NGLY1: variants seen among roughly 807,000 people sequenced by gnomAD.
NGLY1 encodes N-glycanase 1.
In NGLY1, 68 loss-of-function variants were observed where a neutral mutation model predicts 84.6. The observed-to-expected ratio is 0.80, with a 90% confidence interval of 0.66 to 0.98. The LOEUF (loss-of-function observed/expected upper bound fraction) is 0.98, where lower values mean the gene tolerates loss of function less well. Among genes scored for constraint, NGLY1 ranks in the 50% least tolerant of loss-of-function variants. The pLI, the probability that NGLY1 is intolerant of heterozygous loss-of-function variation, is 0.00. For missense variants in NGLY1, 779 were observed against 770.2 expected (o/e 1.01, Z -0.14); for synonymous variants, 280 against 275.2 (o/e 1.02, Z -0.17).
intron 6 of NGLY1, 35 bp from the exon 7 acceptor site, chr3:25,736,184 A>C: frequency 6.2e-7 from 1 of 1,602,276 alleles, no homozygotes; most frequent in Non-Finnish European, 8.5e-7. Flanking sequence ...CAATGGAAAA[A>C]AGACAATGAA....
chr3:25,729,158 C>A lies in NGLY1; in HGVS notation c.1586G>T (p.Arg529Ile). Reference protein sequence around the residue: ...NGVWKMESIFRKVETDWHMVY... With the variant: ...NGVWKMESIFIKVETDWHMVY... ...CATGTGCCAGTCTGTTTCAACTTTT[C>A]TGAATATAGATTCCATTTTCCACAC... Residue 529 changes from arginine (R) to isoleucine (I), a missense_variant, in exon 10 of 12, where the codon AGA becomes ATA. By Grantham distance (97) the Arg-to-Ile change is moderately conservative. Coordinates refer to ENST00000280700, the MANE Select transcript of NGLY1 (RefSeq NM_018297.4). 2 of 1,525,256 alleles carry A rather than the reference C, an allele frequency of 1.3e-6. No individual in the cohort carries two copies. The highest frequency in any genetic ancestry group is 1.8e-6 in the Non-Finnish European group (2 of 1,130,892). The allele number at this position is 1,525,256 out of a possible 1,614,324, so 94.5% of individuals were successfully genotyped here.
At chr3:25,760,828 C>G (rs1420627994) in intron 3 of NGLY1, among the ~76,000 whole-genome samples, 1 of 88,504 alleles carries the variant, frequency 1.1e-5, no homozygotes, top group Non-Finnish European at 2.3e-5. Flanking sequence ...CCATTGCACT[C>G]CAGCCTGGGC....
At chr3:25,756,986 TTTC>T (rs1390922054) in intron 3 of NGLY1, among the ~76,000 whole-genome samples, 6 of 152,238 alleles carry the variant, frequency 3.9e-5, no homozygotes, top group Admixed American at 2.6e-4. Flanking sequence ...CTGTTTTGTT[TTTC>T]TTAAGTTCAA....
intron 3 of NGLY1, among the ~76,000 whole-genome samples, chr3:25,759,561 T>A (rs1707202874): frequency 6.6e-6 from 1 of 152,188 alleles, no homozygotes; most frequent in Non-Finnish European, 1.5e-5. Flanking sequence ...TCTTGCCTTA[T>A]TTCTTTACAT....
chr3:25,778,738 T>C (rs1187331296), intron 1 of NGLY1, 50 bp from the exon 2 acceptor site: 1 of 1,115,724 alleles, frequency 9.0e-7, no homozygotes, highest in African/African-American at 1.6e-5. Flanking sequence ...CAGGTCATAG[T>C]TCTTCAAAGA....
Position 25,764,430 on chromosome 3 carries a change from CAT to C in NGLY1, c.247-121_247-120del, listed in dbSNP as rs1468421946. 3 of 1,100,142 alleles carry C rather than the reference CAT, an allele frequency of 2.7e-6. No individual in the cohort carries two copies. The African/African-American group carries it at 4.7e-5, about 17-fold the overall frequency. The allele number at this position is 1,100,142 out of a possible 1,614,324, so 68.1% of individuals were successfully genotyped here. On this transcript the variant is annotated intron_variant, in intron 2 of 11. Transcript: ENST00000280700. ...AATATAGAATGCATGTTTCTAAAATCATACTGTTTTCTTACCATTATGGTTCT... is the reference window on the plus strand; with the variant it reads ...AATATAGAATGCATGTTTCTAAAATCACTGTTTTCTTACCATTATGGTTCT...
At chr3:25,768,377 G>C (rs886692033) in intron 2 of NGLY1, among the ~76,000 whole-genome samples, 16 of 149,810 alleles carry the variant, frequency 1.1e-4, no homozygotes, top group Admixed American at 6.7e-5. Flanking sequence ...AGTAGTGACT[G>C]TGCCACTGCA....
At chr3:25,721,269 G>C (rs925423146) in intron 10 of NGLY1, among the ~76,000 whole-genome samples, 1 of 152,108 alleles carries the variant, frequency 6.6e-6, no homozygotes, top group African/African-American at 2.4e-5. Flanking sequence ...GTCTCACTAT[G>C]TTGCCCAGGC....
chr3:25,736,483 G>T, intron 6 of NGLY1: 1 of 1,039,976 alleles, frequency 9.6e-7, no homozygotes, highest in African/African-American at 1.6e-5. Flanking sequence ...TGCCACTTTT[G>T]AAACTACAGT....
At chr3:25,778,173 T>C (rs907415178) in intron 2 of NGLY1, 1 of 153,022 alleles carries the variant, frequency 6.5e-6, no homozygotes, top group Non-Finnish European at 1.5e-5. Context: ...CCCTTCTGTG[T>C]GGCAGCTCAA....
chr3:25,725,817 A>T (rs1705226472), intron 10 of NGLY1, among the ~76,000 whole-genome samples: 4 of 152,128 alleles, frequency 2.6e-5, no homozygotes, highest in Admixed American at 6.5e-5. Context: ...TTTTTCACTC[A>T]GATTCAGGGT....
At position 25,783,276 on chromosome 3, in the gene NGLY1, C is replaced by T. The variant is rs1400197819; in HGVS notation, c.115G>A (p.Ala39Thr). The change falls in exon 1 of 12, where the codon GCT (alanine) becomes ACT (threonine). Residue 39 changes from alanine to threonine, a missense_variant. Transcript: ENST00000280700. The surrounding 1 kb of genome is among the most constrained non-coding windows in gnomAD (Gnocchi z 4.5). The stretch of plus-strand genomic sequence containing the variant: ...GCCCTGCACCTGAGGATGTTGTCAG[C>T]ATAGGTGAGCAGCAGCTTGGAGGCC... ...LEASKLLLTY[A>T]DNILRNPNDE... The T allele has an allele frequency of 1.2e-6, 2 of 1,609,616 alleles. No homozygotes were observed. The highest frequency in any genetic ancestry group is 1.7e-6 in the Non-Finnish European group (2 of 1,178,106).
intron 1 of NGLY1, among the ~76,000 whole-genome samples, chr3:25,779,838 G>A (rs183051799): frequency 1.6e-3 from 243 of 152,274 alleles, no homozygotes; most frequent in African/African-American, 5.4e-3. Context: ...CAAAAATCAT[G>A]TTTATTACAG....
intron 2 of NGLY1, among the ~76,000 whole-genome samples, chr3:25,767,575 T>C (rs1335012453): frequency 2.0e-5 from 3 of 152,202 alleles, no homozygotes; most frequent in East Asian, 1.9e-4. Flanking sequence ...ACAGATCCAT[T>C]TGGATCCTAA....
intron 2 of NGLY1, among the ~76,000 whole-genome samples, chr3:25,768,845 T>A (rs893331022): frequency 8.6e-5 from 13 of 151,606 alleles, no homozygotes; most frequent in Non-Finnish European, 1.5e-4. Flanking sequence ...CCTGGCCTCA[T>A]GAGTAAGACT....
At chr3:25,741,469 T>TA (rs940009041) in intron 4 of NGLY1, among the ~76,000 whole-genome samples, 42 of 151,114 alleles carry the variant, frequency 2.8e-4, no homozygotes, top group African/African-American at 8.5e-4. Flanking sequence ...TATAGTTCAT[T>TA]AAAAAAAAAC....
upstream of NGLY1, among the ~76,000 whole-genome samples, chr3:25,786,356 A>G (rs944822387): frequency 6.6e-6 from 1 of 152,014 alleles, no homozygotes; most frequent in South Asian, 2.1e-4. Flanking sequence ...TGATATGTCA[A>G]CTCTAAAAAT....
chr3:25,726,734 C>G lies in NGLY1; in HGVS notation c.1611+2399G>C, dbSNP rs192272207. Among the ~76,000 whole-genome samples, 39 of 152,244 alleles carry G rather than the reference C, an allele frequency of 2.6e-4. No homozygotes were observed. In the East Asian group the frequency reaches 7.3e-3, roughly 29 times the overall value. On this transcript the variant is annotated intron_variant, in intron 10 of 11. Transcript: ENST00000280700. ...TAAGTTTTTGTAAATGTTTCTTTAG[C>G]GAGAGCATGGATCACAGCTTTGAAA...
At chr3:25,789,652 G>C in intron 1 of NGLY1, 2 of 610,752 alleles carry the variant, frequency 3.3e-6, no homozygotes, top group South Asian at 4.1e-5. Context: ...CAAATTTCCT[G>C]ATGTTGGCCA....
Sources: allele counts gnomAD v4.1 joint callset (sites outside exome capture counted in the v4.1 genomes callset), GRCh38; gene constraint gnomAD v4.1.1; non-coding constraint Gnocchi (gnomAD v3.1); transcripts MANE v1.5; gene names NCBI Gene and HGNC (gene_info 2026-07-23, HGNC 2026-07-21).